The following FRG1 variants were observed in gnomAD, a reference collection of about 807,000 sequenced individuals.
The protein encoded by FRG1 is FSHD region gene 1, also known as protein FRG1.
In FRG1, 19 loss-of-function variants were observed where a neutral mutation model predicts 37.0. That is an observed-to-expected ratio of 0.51 (90% confidence interval 0.36 to 0.75). The LOEUF is 0.75. Among genes scored for constraint, FRG1 ranks in the 30% least tolerant of loss-of-function variants. The pLI is 0.00. For synonymous variants in FRG1, 73 were observed against 96.5 expected (o/e 0.76, Z 1.43); for missense variants, 243 against 301.4 (o/e 0.81, Z 1.44).
chr4:189,960,941 G>A lies in FRG1; in HGVS notation c.629+102G>A, dbSNP rs1438016844. 1.6e-5 allele frequency: 22 copies of A among 1,349,192 alleles called. No homozygotes were observed. In the Admixed American group the frequency reaches 4.3e-4, roughly 26 times the overall value. The allele number at this position is 1,349,192 out of a possible 1,614,324, so 83.6% of individuals were successfully genotyped here. ...TACTTAGCTGGGCATGGTGGTACAT[G>A]CCTATAGGCCCAGCTACTCGGGAGG... On this transcript the variant is annotated intron_variant, in intron 7 of 8. Coordinates refer to ENST00000226798, the MANE Select transcript of FRG1 (RefSeq NM_004477.3).
In FRG1 at chr4:189,952,211, CAT is replaced by C. The variant is rs1318443477; in HGVS notation, c.184_185del (p.Ile62Ter). On this transcript the variant is annotated frameshift_variant, in exon 3 of 9. Coordinates refer to ENST00000226798, the MANE Select transcript of FRG1 (RefSeq NM_004477.3). LOFTEE classifies it high-confidence loss of function. ...TTGGTGAAATTTCAGGAACCATAGC[CAT>C]TGAAATGGATAAGGGAACCTATATA... ...NFGEISGTIA[I>X]EMDKGTYIHA... 6.2e-7 allele frequency: 1 copy of C among 1,603,782 alleles called. No homozygotes were observed. Among genetic ancestry groups the C allele is most frequent in the African/African-American group, 1.3e-5 (1 of 74,688 alleles).
At chr4:189,961,177 C>T (rs1213596671) in intron 7 of FRG1, 7 of 193,108 alleles carry the variant, frequency 3.6e-5, no homozygotes, top group Non-Finnish European at 2.1e-5. Flanking sequence ...ATCATCCTAC[C>T]ACCTCCCAAA....
intron 2 of FRG1, among the ~76,000 whole-genome samples, chr4:189,950,204 A>G (rs1019010464): frequency 5.3e-5 from 8 of 152,182 alleles, no homozygotes; most frequent in African/African-American, 1.7e-4. Context: ...GTCCGTGTAT[A>G]TCCTTTGCCC....
intron 1 of FRG1, among the ~76,000 whole-genome samples, chr4:189,942,797 A>G (rs1324441337): frequency 2.0e-5 from 3 of 152,208 alleles, no homozygotes. Context: ...TAGATGCTGC[A>G]CCATTTTACA....
At chr4:189,950,862 G>T (rs867103548) in intron 2 of FRG1, among the ~76,000 whole-genome samples, 1 of 151,966 alleles carries the variant, frequency 6.6e-6, no homozygotes, top group South Asian at 2.1e-4. Flanking sequence ...TTACCCATGA[G>T]TACATAAACG....
chr4:189,962,246 A>G (rs941404765), intron 8 of FRG1, among the ~76,000 whole-genome samples: 4 of 152,212 alleles, frequency 2.6e-5, no homozygotes, highest in African/African-American at 9.6e-5. Context: ...TAATATAAAA[A>G]TTATGTGGAT....
At chr4:189,952,884 C>G (rs543702807) in intron 3 of FRG1, among the ~76,000 whole-genome samples, 184 bp from the exon 4 acceptor site, 3 of 152,358 alleles carry the variant, frequency 2.0e-5, no homozygotes, top group South Asian at 4.1e-4. Context: ...AAAATTAACA[C>G]TGTAGTTAAA....
chr4:189,941,899 A>G (rs1335950594), intron 1 of FRG1: 6 of 438,186 alleles, frequency 1.4e-5, no homozygotes, highest in Non-Finnish European at 2.7e-5. Flanking sequence ...AGAGGTTTTG[A>G]TATTTTTAGG....
In FRG1 at chr4:189,949,318, T is replaced by G. The variant is rs530756715; in HGVS notation, c.134-2844T>G. On this transcript the variant is annotated intron_variant, in intron 2 of 8. Coordinates refer to ENST00000226798, the MANE Select transcript of FRG1 (RefSeq NM_004477.3). ...TAGTCGATAAACATATAAGCATACC[T>G]CCAAAGGTTGAATGTAGGCCACTTG... 1.1e-4 allele frequency among the ~76,000 whole-genome samples: 16 copies of G among 152,286 alleles called. No individual in the cohort carries two copies. In the East Asian group the frequency reaches 2.9e-3, roughly 28 times the overall value.
chr4:189,958,526 T>G (rs1737087311), intron 6 of FRG1, among the ~76,000 whole-genome samples: 1 of 152,262 alleles, frequency 6.6e-6, no homozygotes, highest in Non-Finnish European at 1.5e-5. Context: ...TTTTATTTTA[T>G]TTTTAAAATT....
intron 2 of FRG1, among the ~76,000 whole-genome samples, chr4:189,947,241 A>G (rs79403633): frequency 0.03 from 4,498 of 152,314 alleles, 100 homozygotes; most frequent in Middle Eastern, 0.048. Flanking sequence ...GCTACAGTGT[A>G]TTGATAGTTA....
chr4:189,955,746 T>C (rs1176409554), intron 5 of FRG1, among the ~76,000 whole-genome samples: 5 of 152,252 alleles, frequency 3.3e-5, no homozygotes, highest in Non-Finnish European at 7.3e-5. Context: ...CATAATTTCC[T>C]TTTTCTGTTT....
chr4:189,950,585 A>G (rs1020934876), intron 2 of FRG1, among the ~76,000 whole-genome samples: 1 of 152,170 alleles, frequency 6.6e-6, no homozygotes, highest in African/African-American at 2.4e-5. Context: ...CTAAAATTTT[A>G]TGTATTTTAA....
Position 189,943,169 on chromosome 4 carries a change from C to T in FRG1, c.63-33C>T, listed in dbSNP as rs1459225799. ...AATATTTATCGTACAAATCAATATA[C>T]CTAAACTCGTCTATATAAATTATGT... is the stretch of plus-strand genomic sequence containing the variant. On this transcript the variant is annotated intron_variant, in intron 1 of 8. Coordinates refer to ENST00000226798, the MANE Select transcript of FRG1 (RefSeq NM_004477.3). 5 of 1,531,018 alleles carry T rather than the reference C, an allele frequency of 3.3e-6. No individual in the cohort carries two copies. The Admixed American group carries it at 7.8e-5, about 24-fold the overall frequency. 94.8% of individuals were successfully genotyped at this position (1,531,018 alleles called of 1,614,324 possible).
At chr4:189,962,991 C>A in intron 8 of FRG1, 102 bp from the exon 9 acceptor site, 5 of 666,032 alleles carry the variant, frequency 7.5e-6, no homozygotes, top group Admixed American at 3.1e-5. Flanking sequence ...TGGTAATAAC[C>A]AAAATTGAAC....
At chr4:189,958,144 C>G (rs116096674) in intron 6 of FRG1, among the ~76,000 whole-genome samples, 2 of 151,360 alleles carry the variant, frequency 1.3e-5, no homozygotes, top group Non-Finnish European at 2.9e-5. Context: ...TTCTCTCTCT[C>G]TCAACAGCCA....
intron 3 of FRG1, 21 bp from the exon 4 acceptor site, chr4:189,953,047 C>T (rs767244915): frequency 6.5e-7 from 1 of 1,541,744 alleles, no homozygotes; most frequent in Non-Finnish European, 8.7e-7. Flanking sequence ...AATTTATTTT[C>T]AAATGTTTTT....
chr4:189,941,130 C>G lies in FRG1; in HGVS notation c.62+59C>G. The stretch of plus-strand genomic sequence containing the variant: ...GTTCTTTTCGGACGCACTCCACCCC[C>G]GCAACTCCGGTGGAAGCCGTGGCGC... On this transcript the variant is annotated intron_variant, in intron 1 of 8. Transcript: ENST00000226798. 3.4e-6 allele frequency: 5 copies of G among 1,451,520 alleles called. No homozygotes were observed. In the South Asian group the frequency reaches 3.4e-5, roughly 10 times the overall value. The allele number at this position is 1,451,520 out of a possible 1,614,324, so 89.9% of individuals were successfully genotyped here. A position where few individuals can be genotyped will look rare whatever the true frequency, so the allele number is the denominator to read the frequency against.
At chr4:189,942,232 G>C (rs1253181808) in intron 1 of FRG1, among the ~76,000 whole-genome samples, 1 of 151,766 alleles carries the variant, frequency 6.6e-6, no homozygotes, top group African/African-American at 2.4e-5. Flanking sequence ...TTTTTTTATT[G>C]AGATATAATT....
Sources: gnomAD v4.1 joint callset for allele counts (sites outside exome capture counted in the v4.1 genomes callset) on GRCh38, gnomAD v4.1.1 for gene constraint, MANE v1.5 for transcripts, NCBI Gene and HGNC (gene_info 2026-07-23, HGNC 2026-07-21) for gene names.